Variants in CNTNAP3 observed in about 807,000 individuals in gnomAD.
CNTNAP3 encodes contactin-associated protein-like 3.
CNTNAP3 carries 36 observed loss-of-function variants against 92.1 expected under a neutral mutation model. That is an observed-to-expected ratio of 0.39 (90% confidence interval 0.30 to 0.52). The LOEUF (loss-of-function observed/expected upper bound fraction) is 0.52, where lower values mean the gene tolerates loss of function less well. CNTNAP3 is among the 20% of genes least tolerant of loss of function. The pLI, the probability that CNTNAP3 is intolerant of heterozygous loss-of-function variation, is 0.76. For synonymous variants in CNTNAP3, 232 were observed against 422.3 expected (o/e 0.55, Z 5.53); for missense variants, 534 against 1,069.6 (o/e 0.50, Z 6.98).
chr9:39,071,270 T>C lies in CNTNAP3; in HGVS notation c.*2620A>G, dbSNP rs1172503317. 6.6e-6 allele frequency among the ~76,000 whole-genome samples: 1 copy of C among 150,520 alleles called. No homozygotes were observed. Among genetic ancestry groups the C allele is most frequent in the Admixed American group, 6.6e-5 (1 of 15,174 alleles). On this transcript the variant is annotated 3_prime_UTR_variant, in exon 24 of 24. Coordinates refer to ENST00000297668, the MANE Select transcript of CNTNAP3 (RefSeq NM_033655.5). ...CGGGGTAGAATATGTCACGTATCAGTAGTAACTACTATCAAAGTATGTTAA... is the reference window on the plus strand; with the variant it reads ...CGGGGTAGAATATGTCACGTATCAGCAGTAACTACTATCAAAGTATGTTAA...
In CNTNAP3 at chr9:39,260,220, A is replaced by G. The variant is rs1393311065; in HGVS notation, c.196+6676T>C. 3.0e-4 allele frequency among the ~76,000 whole-genome samples: 6 copies of G among 19,752 alleles called. 3 individuals carry two copies. Among genetic ancestry groups the G allele is most frequent in the Non-Finnish European group, 4.4e-4 (4 of 9,056 alleles). The allele number at this position is 19,752 out of a possible 152,430, so 13.0% of individuals were successfully genotyped here. A position where few individuals can be genotyped will look rare whatever the true frequency, so the allele number is the denominator to read the frequency against. Reference sequence around the variant, plus strand: ...TTTTTTTCCACAAATCAACATTCATACATATTATTTTGTATTCATATACTG... The same window carrying G: ...TTTTTTTCCACAAATCAACATTCATGCATATTATTTTGTATTCATATACTG... On this transcript the variant is annotated intron_variant, in intron 2 of 23. Coordinates refer to ENST00000297668, the MANE Select transcript of CNTNAP3 (RefSeq NM_033655.5).
intron 10 of CNTNAP3, among the ~76,000 whole-genome samples, chr9:39,148,806 T>C (rs1821770316): frequency 6.6e-6 from 1 of 152,326 alleles, no homozygotes; most frequent in African/African-American, 2.4e-5. Flanking sequence ...ATTACAGGCG[T>C]GAGCCACGGC....
chr9:39,113,069 T>G (rs1820746983), intron 14 of CNTNAP3, among the ~76,000 whole-genome samples: 1 of 152,050 alleles, frequency 6.6e-6, no homozygotes, highest in Non-Finnish European at 1.5e-5. Context: ...TTTTTTTTTG[T>G]TATGGGGGGG....
At chr9:39,150,969 C>A (rs1434771441) in intron 9 of CNTNAP3, among the ~76,000 whole-genome samples, 1 of 147,770 alleles carries the variant, frequency 6.8e-6, no homozygotes, top group East Asian at 2.0e-4. Context: ...AACTTACTCC[C>A]ACCCTCTGAG....
intron 14 of CNTNAP3, among the ~76,000 whole-genome samples, chr9:39,111,961 G>A (rs1631384): frequency 6.6e-6 from 1 of 152,028 alleles, no homozygotes; most frequent in Non-Finnish European, 1.5e-5. Flanking sequence ...AACCTTTGGA[G>A]ATCAAAATAG....
rs374672158 is a variant in CNTNAP3, at chr9:39,108,272, TC to T, written c.2365+887del. On this transcript the variant is annotated intron_variant, in intron 15 of 23. Coordinates refer to ENST00000297668, the MANE Select transcript of CNTNAP3 (RefSeq NM_033655.5). ...CTTCATCAAGCAGGAGACAAGCCGGTCCCCCCCCTCTCTGGGGAGTGAGTAC... is the reference window on the plus strand; with the variant it reads ...CTTCATCAAGCAGGAGACAAGCCGGTCCCCCCCTCTCTGGGGAGTGAGTAC... 3.6e-3 allele frequency among the ~76,000 whole-genome samples: 544 copies of T among 151,228 alleles called. 3 individuals are homozygous for T. Among genetic ancestry groups the T allele is most frequent in the African/African-American group, 0.012 (509 of 41,186 alleles).
chr9:39,147,718 T>C (rs7025860), intron 10 of CNTNAP3, among the ~76,000 whole-genome samples: 1,853 of 152,252 alleles, frequency 0.012, 28 homozygotes, highest in African/African-American at 0.042. Context: ...TGTGGGATCT[T>C]AGAGACCAAG....
chr9:39,090,900 T>C (rs1826181456), intron 18 of CNTNAP3, among the ~76,000 whole-genome samples: 1 of 152,286 alleles, frequency 6.6e-6, no homozygotes, highest in Non-Finnish European at 1.5e-5. Context: ...TTTCCATTTC[T>C]TTTGTTAAAT....
intron 14 of CNTNAP3, among the ~76,000 whole-genome samples, chr9:39,113,486 C>T (rs1820759925): frequency 1.3e-5 from 2 of 151,816 alleles, no homozygotes; most frequent in African/African-American, 4.8e-5. Flanking sequence ...ATTCAGCAAA[C>T]TTACTGAACT....
rs970459054 is a variant in CNTNAP3 at position 39,152,450 on chromosome 9, G to A, written c.1478-2473C>T. ...TTACAAAAGAAATATAAGTTTAAAT[G>A]GTACAGCAGAACCTTCTGAAGAATG... On this transcript the variant is annotated intron_variant, in intron 9 of 23. Transcript: ENST00000297668. Among the ~76,000 whole-genome samples, 4 of 144,544 alleles carry A rather than the reference G, an allele frequency of 2.8e-5. 1 individual carries two copies. Among genetic ancestry groups the A allele is most frequent in the African/African-American group, 1.1e-4 (4 of 38,014 alleles). 94.8% of individuals were successfully genotyped at this position (144,544 alleles called of 152,430 possible). A position where few individuals can be genotyped will look rare whatever the true frequency, so the allele number is the denominator to read the frequency against.
chr9:39,115,034 T>C (rs1339306217), intron 14 of CNTNAP3, among the ~76,000 whole-genome samples: 1 of 151,522 alleles, frequency 6.6e-6, no homozygotes, highest in Non-Finnish European at 1.5e-5. Flanking sequence ...TTATAATAAA[T>C]CTTTGGCATG....
intron 13 of CNTNAP3, among the ~76,000 whole-genome samples, chr9:39,132,146 T>G (rs1261946248): frequency 6.6e-6 from 1 of 151,994 alleles, no homozygotes; most frequent in Non-Finnish European, 1.5e-5. Flanking sequence ...TATATACTAT[T>G]TGGGATTGCT....
chr9:39,150,947 A>G (rs1004062345), intron 9 of CNTNAP3, among the ~76,000 whole-genome samples: 2 of 146,540 alleles, frequency 1.4e-5, no homozygotes, highest in African/African-American at 5.2e-5. Flanking sequence ...CATATAGGAA[A>G]GTAGTGTCTT....
chr9:39,076,848 T>A (rs1825783283), intron 23 of CNTNAP3, among the ~76,000 whole-genome samples: 2 of 152,274 alleles, frequency 1.3e-5, no homozygotes, highest in African/African-American at 4.8e-5. Flanking sequence ...GGCACCTGTA[T>A]CCCCAGCTAC....
chr9:39,114,079 T>G, intron 14 of CNTNAP3, among the ~76,000 whole-genome samples: 1 of 142,276 alleles, frequency 7.0e-6, no homozygotes, highest in African/African-American at 2.7e-5. Flanking sequence ...CACACACACA[T>G]ACTTTTTTTT....
intron 13 of CNTNAP3, among the ~76,000 whole-genome samples, chr9:39,125,300 T>C (rs1265001384): frequency 6.6e-6 from 1 of 151,876 alleles, no homozygotes; most frequent in Admixed American, 6.6e-5. Context: ...TAGGTGGGAA[T>C]TGAACAATGA....
At chr9:39,088,355 A>T in intron 19 of CNTNAP3, 68 bp downstream of exon 19, 2 of 1,176,974 alleles carry the variant, frequency 1.7e-6, no homozygotes, top group Non-Finnish European at 2.4e-6. Flanking sequence ...TGCTGAAAAG[A>T]CCCATGTCAT....
At chr9:39,091,824 T>C (rs1826210969) in intron 18 of CNTNAP3, among the ~76,000 whole-genome samples, 1 of 152,006 alleles carries the variant, frequency 6.6e-6, no homozygotes, top group East Asian at 1.9e-4. Context: ...TATATTCTGA[T>C]AGTTGATAGC....
At chr9:39,138,956 T>G (rs1206035991) in intron 12 of CNTNAP3, among the ~76,000 whole-genome samples, 1 of 152,170 alleles carries the variant, frequency 6.6e-6, no homozygotes, top group Non-Finnish European at 1.5e-5. Context: ...TAAGACAGAG[T>G]GCTGACTTCC....
Sources: allele counts gnomAD v4.1 joint callset (sites outside exome capture counted in the v4.1 genomes callset), GRCh38; gene constraint gnomAD v4.1.1; transcripts MANE v1.5; gene names NCBI Gene and HGNC (gene_info 2026-07-23, HGNC 2026-07-21).